The following ATP13A4 variants were observed in gnomAD, a reference collection of about 807,000 sequenced individuals.
The protein encoded by ATP13A4 is probable cation-transporting ATPase 13A4.
ATP13A4 carries 114 observed loss-of-function variants against 142.5 expected under a neutral mutation model. The ratio of observed to expected loss-of-function variants is 0.80; its 90% confidence interval spans 0.69 to 0.93. The LOEUF (loss-of-function observed/expected upper bound fraction) is 0.93. Among genes scored for constraint, ATP13A4 ranks in the 40% least tolerant of loss-of-function variants. The pLI, the probability that ATP13A4 is intolerant of heterozygous loss-of-function variation, is 0.00. For synonymous variants in ATP13A4, 488 were observed against 514.8 expected, an observed-to-expected ratio of 0.95 and a Z score of 0.70; for missense variants, 1,392 against 1,454.0, an observed-to-expected ratio of 0.96 and a Z score of 0.69.
chr3:193,535,446 G>T (rs1009935053), intron 1 of ATP13A4, among the ~76,000 whole-genome samples: 1 of 151,754 alleles, frequency 6.6e-6, no homozygotes, highest in Admixed American at 6.6e-5. Flanking sequence ...GGTGACAGGG[G>T]AAGTCTCAAG....
At chr3:193,473,084 G>T (rs1216062672) in intron 8 of ATP13A4, among the ~76,000 whole-genome samples, 1 of 152,194 alleles carries the variant, frequency 6.6e-6, no homozygotes, top group East Asian at 1.9e-4. Context: ...CAATAAAAAG[G>T]TTTCCTTAGA....
chr3:193,575,835 A>G (rs1443652769), intron 2 of ATP13A4, among the ~76,000 whole-genome samples: 1 of 152,186 alleles, frequency 6.6e-6, no homozygotes, highest in Admixed American at 6.5e-5. Flanking sequence ...CTTGGTAGAG[A>G]AGAAGGATAA....
chr3:193,524,831 T>A (rs894111177), intron 1 of ATP13A4, among the ~76,000 whole-genome samples: 1 of 152,232 alleles, frequency 6.6e-6, no homozygotes, highest in Non-Finnish European at 1.5e-5. Flanking sequence ...GGCTGATTAA[T>A]AACCTCTCAG....
intron 1 of ATP13A4, among the ~76,000 whole-genome samples, chr3:193,536,128 T>C (rs1171636826): frequency 6.6e-6 from 1 of 151,990 alleles, no homozygotes; most frequent in Non-Finnish European, 1.5e-5. Flanking sequence ...TATTTTCCAA[T>C]TCAATTTATA....
chr3:193,448,626 G>A (rs1222154936), intron 17 of ATP13A4, among the ~76,000 whole-genome samples: 3 of 152,130 alleles, frequency 2.0e-5, no homozygotes, highest in African/African-American at 7.2e-5. Context: ...GTGAGCCACT[G>A]CACCCAGCCA....
At chr3:193,561,895 A>G (rs74880382) in intron 2 of ATP13A4, among the ~76,000 whole-genome samples, 3,179 of 152,248 alleles carry the variant, frequency 0.021, 103 homozygotes, top group African/African-American at 0.071. Flanking sequence ...CCCCTATGAA[A>G]CACGCAACCG....
At chr3:193,451,564 A>G (rs1717279088) in intron 17 of ATP13A4, among the ~76,000 whole-genome samples, 1 of 152,198 alleles carries the variant, frequency 6.6e-6, no homozygotes, top group Admixed American at 6.5e-5. Flanking sequence ...TGAAACTTGG[A>G]ATGGCTTTCT....
chr3:193,484,370 T>C (rs1256458083), intron 7 of ATP13A4, among the ~76,000 whole-genome samples: 1 of 151,276 alleles, frequency 6.6e-6, no homozygotes, highest in Non-Finnish European at 1.5e-5. Context: ...GTATGGTGGT[T>C]CCTGCTACTT....
intron 1 of ATP13A4, among the ~76,000 whole-genome samples, chr3:193,537,754 A>C (rs140583511): frequency 1.3e-5 from 2 of 152,328 alleles, no homozygotes; most frequent in Admixed American, 6.5e-5. Flanking sequence ...AGCACCATGG[A>C]ATACTACTCA....
chr3:193,450,580 T>C (rs1330761356), intron 17 of ATP13A4, among the ~76,000 whole-genome samples: 2 of 152,166 alleles, frequency 1.3e-5, no homozygotes, highest in Non-Finnish European at 2.9e-5. Context: ...AGGCTTGCTG[T>C]AGAAGATGAT....
chr3:193,532,399 A>G (rs1481863610), intron 1 of ATP13A4, among the ~76,000 whole-genome samples: 1 of 147,102 alleles, frequency 6.8e-6, no homozygotes, highest in Non-Finnish European at 1.5e-5. Context: ...TTTAGCATCT[A>G]GTATGCAAAC....
At position 193,400,767 on chromosome 3, in the gene ATP13A4, A is replaced by G. The variant is rs1714234677; in HGVS notation, c.*1885T>C. On this transcript the variant is annotated 3_prime_UTR_variant, in exon 30 of 30. Transcript: ENST00000342695. Reference sequence around the variant, plus strand: ...GAGGTGAATGCACTTAGCAAAGGGCACATTTAAGTATGAACTGTGCAGGCT... The same window carrying G: ...GAGGTGAATGCACTTAGCAAAGGGCGCATTTAAGTATGAACTGTGCAGGCT... 2.6e-5 allele frequency among the ~76,000 whole-genome samples: 4 copies of G among 152,230 alleles called. No homozygotes were observed. In the South Asian group the frequency reaches 8.3e-4, roughly 31 times the overall value.
chr3:193,527,988 A>G (rs1306527821), intron 1 of ATP13A4, among the ~76,000 whole-genome samples: 1 of 152,176 alleles, frequency 6.6e-6, no homozygotes, highest in Non-Finnish European at 1.5e-5. Flanking sequence ...CCCCTTACAG[A>G]TGCACGTCTA....
intron 25 of ATP13A4, among the ~76,000 whole-genome samples, chr3:193,428,326 C>A (rs982764881): frequency 6.6e-6 from 1 of 151,980 alleles, no homozygotes; most frequent in South Asian, 2.1e-4. Context: ...AACAGGAACA[C>A]TTTTACACTG....
At chr3:193,459,450 A>G (rs1717826264) in intron 13 of ATP13A4, among the ~76,000 whole-genome samples, 1 of 152,202 alleles carries the variant, frequency 6.6e-6, no homozygotes, top group East Asian at 1.9e-4. Flanking sequence ...TTTTGGATAC[A>G]GGGTCTCACT....
At chr3:193,541,278 A>T (rs753129779) in intron 1 of ATP13A4, among the ~76,000 whole-genome samples, 5 of 149,082 alleles carry the variant, frequency 3.4e-5, no homozygotes, top group Non-Finnish European at 7.4e-5. Context: ...AAATCAGAAC[A>T]ATAAATAGTG....
chr3:193,486,064 T>C (rs1719598263), intron 7 of ATP13A4, among the ~76,000 whole-genome samples: 1 of 149,760 alleles, frequency 6.7e-6, no homozygotes, highest in Non-Finnish European at 1.5e-5. Flanking sequence ...TATGTATATA[T>C]AAATATGTTA....
At chr3:193,486,251 T>TTTTA (rs1169353095) in intron 7 of ATP13A4, among the ~76,000 whole-genome samples, 14 of 152,260 alleles carry the variant, frequency 9.2e-5, no homozygotes, top group Non-Finnish European at 1.5e-4. Context: ...CTTTAAAGTC[T>TTTTA]GCGATGAGAT....
chr3:193,580,921 GT>G (rs1458088944), intron 2 of ATP13A4, among the ~76,000 whole-genome samples: 5 of 152,154 alleles, frequency 3.3e-5, no homozygotes, highest in Admixed American at 2.0e-4. Flanking sequence ...TGGTGTATGG[GT>G]AATCGTTTAA....
Sources: allele counts gnomAD v4.1 joint callset (sites outside exome capture counted in the v4.1 genomes callset), GRCh38; gene constraint gnomAD v4.1.1; transcripts MANE v1.5; gene names NCBI Gene and HGNC (gene_info 2026-07-23, HGNC 2026-07-21).